ITGAE: variants seen among roughly 807,000 people sequenced by gnomAD.
ITGAE encodes the protein integrin alpha-E.
A neutral mutation model predicts 136.5 loss-of-function variants in ITGAE; 99 were observed. The observed-to-expected ratio is 0.73, with a 90% CI of 0.62 to 0.86. The LOEUF is 0.86. Ranked by LOEUF, ITGAE falls within the 40% of genes least tolerant of loss-of-function variation. The pLI is 0.00. For missense variants in ITGAE, 1,447 were observed against 1,515.3 expected (o/e 0.95, Z 0.75); for synonymous variants, 613 against 591.8 (o/e 1.04, Z -0.52).
rs539216130 is a variant in ITGAE, at chr17:3,731,515, T to C, written c.2755-332A>G. 2.6e-5 allele frequency among the ~76,000 whole-genome samples: 4 copies of C among 151,756 alleles called. No individual in the cohort carries two copies. In the East Asian group the frequency reaches 5.9e-4, roughly 23 times the overall value. On this transcript the variant is annotated intron_variant, in intron 22 of 30. Coordinates refer to ENST00000263087, the MANE Select transcript of ITGAE (RefSeq NM_002208.5). Reference sequence around the variant, plus strand: ...CACCACCACGCCCAGCTAATTTTTGTATTCTTAGTAGAGACGGGGTTTCAC... The same window carrying C: ...CACCACCACGCCCAGCTAATTTTTGCATTCTTAGTAGAGACGGGGTTTCAC...
intron 21 of ITGAE, among the ~76,000 whole-genome samples, chr17:3,732,683 C>T (rs928645604): frequency 2.0e-5 from 3 of 152,156 alleles, no homozygotes; most frequent in African/African-American, 7.2e-5. Flanking sequence ...AATACAAGGT[C>T]GAAGGGGTGC....
Position 3,755,260 on chromosome 17 carries a change from C to A in ITGAE, c.1241G>T (p.Arg414Leu), listed in dbSNP as rs758069079. The A allele has an allele frequency of 1.3e-6, 2 of 1,575,088 alleles. No individual in the cohort carries two copies. The highest frequency in any genetic ancestry group is 1.3e-5 in the African/African-American group (1 of 74,304). The change falls in exon 12 of 31, where the codon CGG becomes CTG. Residue 414 changes from arginine (R) to leucine (L), a missense_variant and splice_region_variant. Physicochemically the swap from Arg to Leu is moderately radical, Grantham distance 102. Coordinates refer to ENST00000263087, the MANE Select transcript of ITGAE (RefSeq NM_002208.5). Reference sequence around the variant, plus strand: ...CCCGACGGCGCCGAGCAGCACCTGCCGCTGAAGGGGACGGGGATGGGGCCC... The same window carrying A: ...CCCGACGGCGCCGAGCAGCACCTGCAGCTGAAGGGGACGGGGATGGGGCCC... ...IGFSAQILDE[R>L]QVLLGAVGAF...
At chr17:3,717,139 G>A (rs1384090808) in intron 29 of ITGAE, 4 of 230,878 alleles carry the variant, frequency 1.7e-5, no homozygotes, top group South Asian at 1.2e-4. Context: ...AGGCTGTCAC[G>A]CCGCTACACT....
intron 1 of ITGAE, among the ~76,000 whole-genome samples, chr17:3,779,329 A>C (rs912619946): frequency 1.2e-5 from 1 of 84,286 alleles, no homozygotes; most frequent in Non-Finnish European, 2.4e-5. Context: ...ATTTTTATTA[A>C]TTTCTTTTTT....
chr17:3,751,682 G>A lies in ITGAE; in HGVS notation c.1861C>T (p.His621Tyr), dbSNP rs2051872022. The change falls in exon 15 of 31, where the codon CAC becomes TAC. Residue 621 changes from histidine (H) to tyrosine (Y), a missense_variant. His to Tyr is a moderately conservative substitution (Grantham distance 83, BLOSUM62 2). Coordinates refer to ENST00000263087, the MANE Select transcript of ITGAE (RefSeq NM_002208.5). ...SFGSVYIYNG[H>Y]WDGLSASPSQ... ...GGGCTGGCGGAGAGGCCGTCCCAGT[G>A]TCCATTGTAGATATACACACTGCCG... The A allele has an allele frequency of 6.2e-7, 1 of 1,613,976 alleles. No homozygotes were observed. Among genetic ancestry groups the A allele is most frequent in the South Asian group, 1.1e-5 (1 of 91,076 alleles).
intron 2 of ITGAE, among the ~76,000 whole-genome samples, chr17:3,770,627 C>T (rs898054554): frequency 8.5e-5 from 13 of 152,206 alleles, no homozygotes; most frequent in Non-Finnish European, 1.5e-5. Context: ...CTTCCTGCCC[C>T]ATGCAGCAGG....
chr17:3,757,669 C>G (rs1404176405), intron 9 of ITGAE, 37 bp downstream of exon 9: 1 of 1,606,968 alleles, frequency 6.2e-7, no homozygotes, highest in Non-Finnish European at 8.5e-7. Context: ...CCAGGCTGTG[C>G]AGGTTCAGGA....
chr17:3,734,878 GA>G lies in ITGAE; in HGVS notation c.2593del (p.Ser865ProfsTer3), dbSNP rs1422126139. 6.2e-7 allele frequency: 1 copy of G among 1,614,068 alleles called. No homozygotes were observed. Among genetic ancestry groups the G allele is most frequent in the East Asian group, 2.2e-5 (1 of 44,896 alleles). ...NINLTNSGED[S>X]YMTSMALNYP... ...ATTCAAGGCCATGCTTGTCATGTAG[GA>G]ATCTTCCCCGGAGTTAGTTAGGTTA... On this transcript the variant is annotated frameshift_variant, in exon 21 of 31. Transcript: ENST00000263087. LOFTEE classifies it high-confidence loss of function.
At chr17:3,725,141 C>T in intron 26 of ITGAE, 1 of 1,614,180 alleles carries the variant, frequency 6.2e-7, no homozygotes, top group African/African-American at 1.3e-5. Context: ...TGTCAGAGGT[C>T]TGCAGCATCT....
At chr17:3,771,095 T>TAA (rs1319275128) in intron 2 of ITGAE, among the ~76,000 whole-genome samples, 12 of 135,040 alleles carry the variant, frequency 8.9e-5, no homozygotes, top group African/African-American at 3.6e-4. Context: ...CTCTGAGGGA[T>TAA]TAAAAAAAAA....
At chr17:3,779,123 T>C (rs141145851) in intron 1 of ITGAE, among the ~76,000 whole-genome samples, 1 of 152,222 alleles carries the variant, frequency 6.6e-6, no homozygotes, top group African/African-American at 2.4e-5. Context: ...TCTGGAATGA[T>C]GAAAATATTC....
intron 1 of ITGAE, among the ~76,000 whole-genome samples, chr17:3,794,844 C>T (rs1194992975): frequency 6.6e-6 from 1 of 152,146 alleles, no homozygotes; most frequent in Non-Finnish European, 1.5e-5. Flanking sequence ...TTCTTCCCCC[C>T]GTTTCACTGT....
At chr17:3,749,393 T>A (rs562842979) in intron 16 of ITGAE, among the ~76,000 whole-genome samples, 2 of 151,984 alleles carry the variant, frequency 1.3e-5, no homozygotes, top group Admixed American at 1.3e-4. Context: ...GCTGGGACTA[T>A]AGGCGCCCGC....
intron 1 of ITGAE, among the ~76,000 whole-genome samples, chr17:3,778,266 A>C (rs2052589443): frequency 6.6e-6 from 1 of 152,148 alleles, no homozygotes. Flanking sequence ...ATGAATCCCA[A>C]AAATCATTAT....
intron 17 of ITGAE, among the ~76,000 whole-genome samples, chr17:3,746,307 G>A (rs2051712245): frequency 6.6e-6 from 1 of 151,994 alleles, no homozygotes; most frequent in Non-Finnish European, 1.5e-5. Context: ...GGCACAGCTG[G>A]AAGCACCGTG....
chr17:3,742,026 G>A (rs1274464104), intron 19 of ITGAE, among the ~76,000 whole-genome samples: 2 of 152,170 alleles, frequency 1.3e-5, no homozygotes, highest in Non-Finnish European at 2.9e-5. Flanking sequence ...GCAGTGAGCC[G>A]AGATCACGCC....
Position 3,724,981 on chromosome 17 carries a change from C to T in ITGAE, c.3085-1237G>A, listed in dbSNP as rs947561109. 11 of 1,614,078 alleles carry T rather than the reference C, an allele frequency of 6.8e-6. No individual in the cohort carries two copies. In the African/African-American group the frequency reaches 1.2e-4, roughly 18 times the overall value. On this transcript the variant is annotated intron_variant, in intron 26 of 30. Coordinates refer to ENST00000263087, the MANE Select transcript of ITGAE (RefSeq NM_002208.5). ...AAACATCAGGAGGCAACGGAAACCT[C>T]TCTCCTCCATTCCCACCGCTTTAAA...
At chr17:3,764,265 G>A (rs962093977) in intron 2 of ITGAE, among the ~76,000 whole-genome samples, 1 of 152,188 alleles carries the variant, frequency 6.6e-6, no homozygotes, top group Non-Finnish European at 1.5e-5. Context: ...GGGGAGGCCA[G>A]AAAACCACCA....
rs2052038929 is a variant in ITGAE, at chr17:3,756,898, A to G, written c.1171+86T>C. 7.6e-6 allele frequency: 11 copies of G among 1,442,936 alleles called. No individual in the cohort carries two copies. The South Asian group carries it at 1.4e-4, about 19-fold the overall frequency. 89.4% of individuals were successfully genotyped at this position (1,442,936 alleles called of 1,614,324 possible). A position where few individuals can be genotyped will look rare whatever the true frequency, so the allele number is the denominator to read the frequency against. On this transcript the variant is annotated intron_variant, in intron 10 of 30. Coordinates refer to ENST00000263087, the MANE Select transcript of ITGAE (RefSeq NM_002208.5). ...TTCAGGGAGATGATGGGAGTTGCTC[A>G]GAGAAACCACATGAAGATGGGACAG...
Sources: allele counts gnomAD v4.1 joint callset (sites outside exome capture counted in the v4.1 genomes callset), GRCh38; gene constraint gnomAD v4.1.1; transcripts MANE v1.5; gene names NCBI Gene and HGNC (gene_info 2026-07-23, HGNC 2026-07-21).